The following DNAH14 variants were observed in gnomAD, a reference collection of about 807,000 sequenced individuals.
DNAH14 encodes axonemal beta dynein heavy chain 14.
DNAH14 carries 478 observed loss-of-function variants against 520.9 expected under a neutral mutation model. The observed-to-expected ratio is 0.92, with a 90% CI of 0.85 to 0.99. DNAH14 has a LOEUF of 0.99. DNAH14 is among the 50% of genes least tolerant of loss of function. The pLI, the probability that DNAH14 is intolerant of heterozygous loss-of-function variation, is 0.00. For synonymous variants in DNAH14, 1,581 were observed against 1,757.2 expected (o/e 0.90, Z 2.51); for missense variants, 4,831 against 5,234.5 (o/e 0.92, Z 2.38).
intron 73 of DNAH14, chr1:225,354,121 C>T: frequency 1.4e-6 from 1 of 704,646 alleles, no homozygotes; most frequent in Non-Finnish European, 2.6e-6. Context: ...TATTCTCCCC[C>T]AGAAAGGAGG....
intron 8 of DNAH14, among the ~76,000 whole-genome samples, chr1:224,991,686 G>T (rs2063061980): frequency 6.6e-6 from 1 of 151,972 alleles, no homozygotes. Flanking sequence ...GTAGAGACGG[G>T]TATCTATATG....
At chr1:225,374,503 C>T (rs569418682) in intron 77 of DNAH14, among the ~76,000 whole-genome samples, 185 bp from the exon 78 acceptor site, 10 of 151,774 alleles carry the variant, frequency 6.6e-5, no homozygotes, top group South Asian at 2.1e-4. Flanking sequence ...TCAAATGATC[C>T]GCCTGCCTTG....
chr1:224,956,655 A>T (rs948952451), intron 3 of DNAH14, among the ~76,000 whole-genome samples: 3 of 152,024 alleles, frequency 2.0e-5, no homozygotes, highest in Non-Finnish European at 4.4e-5. Context: ...ATTTCTTCCT[A>T]TTTTACCTAT....
intron 1 of DNAH14, among the ~76,000 whole-genome samples, chr1:224,931,546 C>T (rs978322062): frequency 1.3e-5 from 2 of 152,122 alleles, no homozygotes; most frequent in Admixed American, 6.5e-5. Flanking sequence ...AGTCTTTGTA[C>T]CCTTAAGCCC....
At chr1:225,267,379 C>T (rs1223877647) in intron 49 of DNAH14, among the ~76,000 whole-genome samples, 2 of 151,116 alleles carry the variant, frequency 1.3e-5, no homozygotes, top group South Asian at 2.1e-4. Flanking sequence ...CTGCAAACTC[C>T]GCCTCCCAGG....
At chr1:224,979,779 T>A (rs1471700146) in intron 8 of DNAH14, among the ~76,000 whole-genome samples, 1 of 152,178 alleles carries the variant, frequency 6.6e-6, no homozygotes, top group East Asian at 1.9e-4. Context: ...ACTTTGACTT[T>A]GTCTTGCATC....
In DNAH14 at chr1:225,267,690, C is replaced by A. The variant is rs538107012; in HGVS notation, c.7539+921C>A. ...CATAAGCCCTATATTTCAGAACTGA[C>A]TGCCACTTAAACTTTCTAGGCCTCA... On this transcript the variant is annotated intron_variant, in intron 49 of 85. Transcript: ENST00000682510. Among the ~76,000 whole-genome samples the A allele has an allele frequency of 2.0e-5, 3 of 152,152 alleles. No homozygotes were observed. In the South Asian group the frequency reaches 6.2e-4, roughly 32 times the overall value.
In DNAH14 at chr1:225,117,906, A is replaced by G; in HGVS notation, c.3998A>G (p.Asn1333Ser). ...CCTCATCTTGTGAAATGCTTTGAAA[A>G]TATAAAACAATTATTGATATGGAAA... ...VQPHLVKCFE[N>S]IKQLLIWKQD... Residue 1333 changes from asparagine (N) to serine (S), a missense_variant, in exon 25 of 86, where the codon AAT becomes AGT. By Grantham distance (46) the Asn-to-Ser change is conservative. Transcript: ENST00000682510. 2 of 1,550,406 alleles carry G rather than the reference A, an allele frequency of 1.3e-6. No individual in the cohort carries two copies. Among genetic ancestry groups the G allele is most frequent in the Non-Finnish European group, 1.7e-6 (2 of 1,146,166 alleles).
chr1:225,016,306 A>G (rs2065214055), intron 10 of DNAH14, among the ~76,000 whole-genome samples: 1 of 152,194 alleles, frequency 6.6e-6, no homozygotes, highest in African/African-American at 2.4e-5. Context: ...TTCATTTCAG[A>G]AGAATTTCTC....
intron 36 of DNAH14, among the ~76,000 whole-genome samples, chr1:225,170,117 A>T (rs1186667347): frequency 6.6e-6 from 1 of 152,208 alleles, no homozygotes; most frequent in Non-Finnish European, 1.5e-5. Context: ...CTCCTGAAGG[A>T]AGCACTAAAC....
chr1:225,387,661 C>A (rs1195580502), intron 81 of DNAH14, among the ~76,000 whole-genome samples: 7 of 151,968 alleles, frequency 4.6e-5, no homozygotes, highest in Non-Finnish European at 1.0e-4. Context: ...GGGGAGAAAG[C>A]AGGAGGAAGT....
At position 225,286,207 on chromosome 1, in the gene DNAH14, C is replaced by T. The variant is rs930303782; in HGVS notation, c.8272-3678C>T. Reference sequence around the variant, plus strand: ...GTTAATTAATACAAAATTATAGCTACATAGGAGGAATGAGTTCTGGTGTTT... The same window carrying T: ...GTTAATTAATACAAAATTATAGCTATATAGGAGGAATGAGTTCTGGTGTTT... On this transcript the variant is annotated intron_variant, in intron 54 of 85. Transcript: ENST00000682510. 8.5e-5 allele frequency among the ~76,000 whole-genome samples: 13 copies of T among 152,232 alleles called. 1 individual carries two copies. The highest frequency in any genetic ancestry group is 2.0e-4 in the Admixed American group (3 of 15,294).
At chr1:224,978,325 G>GA (rs1274384946) in intron 8 of DNAH14, among the ~76,000 whole-genome samples, 1 of 151,838 alleles carries the variant, frequency 6.6e-6, no homozygotes, top group Non-Finnish European at 1.5e-5. Context: ...TATTCAACCA[G>GA]AAAAAAAAGA....
At position 225,270,822 on chromosome 1, in the gene DNAH14, G is replaced by A; in HGVS notation, c.7627G>A (p.Val2543Ile). The A allele has an allele frequency of 1.3e-6, 2 of 1,551,134 alleles. No individual in the cohort carries two copies. The highest frequency in any genetic ancestry group is 4.9e-5 in the East Asian group (2 of 40,850). ...PRLLKHFSML[V>I]LPHPSQDILC... The stretch of plus-strand genomic sequence containing the variant: ...TCTTCTCAAACACTTTTCCATGCTG[G>A]TATTACCTCATCCTTCACAAGACAT... Residue 2543 changes from valine to isoleucine, a missense_variant, in exon 50 of 86, where the codon GTA becomes ATA. Physicochemically the swap from Val to Ile is conservative, Grantham distance 29. Coordinates refer to ENST00000682510, the MANE Select transcript of DNAH14 (RefSeq NM_001367479.1).
At chr1:225,331,640 A>T in intron 65 of DNAH14, 63 bp downstream of exon 65, 1 of 1,544,702 alleles carries the variant, frequency 6.5e-7, no homozygotes. Context: ...AACCCCCAAG[A>T]TGTTATTTTC....
chr1:225,290,087 G>A lies in DNAH14; in HGVS notation c.8469+5G>A. The A allele has an allele frequency of 7.1e-7, 1 of 1,417,444 alleles. No individual in the cohort carries two copies. Among genetic ancestry groups the A allele is most frequent in the Non-Finnish European group, 9.3e-7 (1 of 1,073,874 alleles). 87.8% of individuals were successfully genotyped at this position (1,417,444 alleles called of 1,614,324 possible). A position where few individuals can be genotyped will look rare whatever the true frequency, so the allele number is the denominator to read the frequency against. On this transcript the variant is annotated splice_donor_5th_base_variant and intron_variant, in intron 55 of 85. Coordinates refer to ENST00000682510, the MANE Select transcript of DNAH14 (RefSeq NM_001367479.1). Reference sequence around the variant, plus strand: ...CCCAATTTAAACATAGAACAAGTAAGTACTTTTTGTCTTTGCTATTTGCTG... The same window carrying A: ...CCCAATTTAAACATAGAACAAGTAAATACTTTTTGTCTTTGCTATTTGCTG...
intron 19 of DNAH14, 34 bp downstream of exon 19, chr1:225,080,782 G>T: frequency 6.8e-7 from 1 of 1,478,568 alleles, no homozygotes; most frequent in Non-Finnish European, 9.0e-7. Flanking sequence ...TCCCACCTAG[G>T]TCTATATACC....
chr1:225,077,810 G>T (rs892373052), intron 17 of DNAH14, among the ~76,000 whole-genome samples: 3 of 152,034 alleles, frequency 2.0e-5, no homozygotes, highest in Non-Finnish European at 2.9e-5. Context: ...AATTTCTGAT[G>T]GATTAACAAT....
At chr1:225,052,977 G>A (rs1300145330) in intron 17 of DNAH14, among the ~76,000 whole-genome samples, 5 of 152,138 alleles carry the variant, frequency 3.3e-5, no homozygotes, top group Non-Finnish European at 7.4e-5. Context: ...TCATGCACTG[G>A]TTATCATATC....
Sources: gnomAD v4.1 joint callset for allele counts (sites outside exome capture counted in the v4.1 genomes callset) on GRCh38, gnomAD v4.1.1 for gene constraint, MANE v1.5 for transcripts, NCBI Gene and HGNC (gene_info 2026-07-23, HGNC 2026-07-21) for gene names.